The following PMPCB variants were observed in gnomAD, a reference collection of about 807,000 sequenced individuals.
PMPCB encodes the protein mitochondrial-processing peptidase subunit beta.
A neutral mutation model predicts 61.5 loss-of-function variants in PMPCB; 46 were observed. That is an observed-to-expected ratio of 0.75 (90% CI 0.59 to 0.96). The LOEUF is 0.96. Among genes scored for constraint, PMPCB ranks in the 40% least tolerant of loss-of-function variants. The pLI is 0.00. For missense variants in PMPCB, 590 were observed against 602.4 expected (o/e 0.98, Z 0.22); for synonymous variants, 191 against 201.6 (o/e 0.95, Z 0.44).
chr7:103,310,420 A>G lies in PMPCB; in HGVS notation c.1099A>G (p.Met367Val). ...AGATACAGGATTATGGGGACTGTAT[A>G]TGGTTTGTGAATCATCCACTGTTGC... is the stretch of plus-strand genomic sequence containing the variant. Reference protein sequence around the residue: ...YTDTGLWGLYMVCESSTVADM... With the variant: ...YTDTGLWGLYVVCESSTVADM... The change falls in exon 9 of 13, where the codon ATG (methionine) becomes GTG (valine). Residue 367 changes from methionine to valine, a missense_variant. Met to Val is a conservative substitution (Grantham distance 21). Transcript: ENST00000249269. 3 of 1,612,914 alleles carry G rather than the reference A, an allele frequency of 1.9e-6. No homozygotes were observed. Among genetic ancestry groups the G allele is most frequent in the Non-Finnish European group, 8.5e-7 (1 of 1,179,004 alleles).
the PMPCB span, chr7:103,341,799 G>A: frequency 1.3e-6 from 2 of 1,598,574 alleles, no homozygotes; most frequent in Non-Finnish European, 1.7e-6. Context: ...TTCAGCATGG[G>A]AAACTCTTCC....
chr7:103,299,689 A>G (rs748395452), intron 3 of PMPCB, among the ~76,000 whole-genome samples, 160 bp downstream of exon 3: 4 of 152,222 alleles, frequency 2.6e-5, no homozygotes, highest in Admixed American at 6.5e-5. Context: ...TTGCTTTGTA[A>G]AGCTGAAATG....
At position 103,307,606 on chromosome 7, in the gene PMPCB, T is replaced by C. The variant is rs765696589; in HGVS notation, c.747T>C (p.His249=). The change falls in exon 7 of 13, where the codon CAT becomes CAC. Residue 249 remains histidine (H), a synonymous_variant. Transcript: ENST00000249269. ...TTTCTTTCAATTTAGGTGTTTCCCATGATGAATTGCTTGACTTAGCAAAGT... is the reference window on the plus strand; with the variant it reads ...TTTCTTTCAATTTAGGTGTTTCCCACGATGAATTGCTTGACTTAGCAAAGT... ...IVLAAAGGVS[H]DELLDLAKFH... is the part of the protein sequence containing the mutation. The C allele has an allele frequency of 6.2e-7, 1 of 1,602,290 alleles. No individual in the cohort carries two copies. The highest frequency in any genetic ancestry group is 2.2e-5 in the East Asian group (1 of 44,818).
intron 6 of PMPCB, among the ~76,000 whole-genome samples, chr7:103,306,703 A>G (rs1253635584): frequency 6.6e-6 from 1 of 152,010 alleles, no homozygotes; most frequent in African/African-American, 2.4e-5. Context: ...GAGTTCTGAT[A>G]GCAGAGCATG....
intron 12 of PMPCB, chr7:103,324,700 G>GTGA: frequency 1.1e-6 from 1 of 879,334 alleles, no homozygotes; most frequent in East Asian, 3.8e-5. Flanking sequence ...ACAACTCGAA[G>GTGA]ATGGAGCTGG....
chr7:103,328,619 A>G (rs1818833963), intron 12 of PMPCB, among the ~76,000 whole-genome samples: 1 of 151,502 alleles, frequency 6.6e-6, no homozygotes, highest in African/African-American at 2.5e-5. Flanking sequence ...TGACAGAGTG[A>G]GACTCTGTGT....
chr7:103,312,724 C>T lies in PMPCB; in HGVS notation c.*453C>T. On this transcript the variant is annotated 3_prime_UTR_variant, in exon 13 of 13. Coordinates refer to ENST00000249269, the MANE Select transcript of PMPCB (RefSeq NM_004279.3). ...AATCTAGTGTTTGGTGTAAAGAATT[C>T]AAGCAACTAAGATAGATAGTACTAA... 2 of 1,582,020 alleles carry T rather than the reference C, an allele frequency of 1.3e-6. No individual in the cohort carries two copies. Among genetic ancestry groups the T allele is most frequent in the Non-Finnish European group, 1.7e-6 (2 of 1,170,128 alleles).
Position 103,299,562 on chromosome 7 carries a change from C to G in PMPCB, c.327+33C>G, listed in dbSNP as rs184039687. The G allele has an allele frequency of 7.1e-6, 9 of 1,259,842 alleles. No homozygotes were observed. The East Asian group carries it at 1.6e-4, about 23-fold the overall frequency. The allele number at this position is 1,259,842 out of a possible 1,614,324, so 78.0% of individuals were successfully genotyped here. A position where few individuals can be genotyped will look rare whatever the true frequency, so the allele number is the denominator to read the frequency against. On this transcript the variant is annotated intron_variant, in intron 3 of 12. Transcript: ENST00000249269. ...GTAAGACTTTACAAAAATGCACTCT[C>G]TTTAAGAGATAATAAGCACAAAGTC...
At position 103,312,873 on chromosome 7, in the gene PMPCB, G is replaced by T; in HGVS notation, c.*602G>T. The T allele has an allele frequency of 6.4e-7, 1 of 1,551,894 alleles. No homozygotes were observed. On this transcript the variant is annotated 3_prime_UTR_variant, in exon 13 of 13. Coordinates refer to ENST00000249269, the MANE Select transcript of PMPCB (RefSeq NM_004279.3). Reference sequence around the variant, plus strand: ...GCACTATATTATTAACCACTTAATAGACATAAAATATGAGCTATATCACCC... The same window carrying T: ...GCACTATATTATTAACCACTTAATATACATAAAATATGAGCTATATCACCC...
chr7:103,344,808 T>C, the PMPCB span: 1 of 624,818 alleles, frequency 1.6e-6, no homozygotes, highest in East Asian at 2.7e-5. Flanking sequence ...TGGAGGCCAG[T>C]CTCACACCCT....
chr7:103,316,891 C>T (rs1272156028), downstream of PMPCB: 1 of 1,613,850 alleles, frequency 6.2e-7, no homozygotes, highest in Non-Finnish European at 8.5e-7. Context: ...AGATCATCTT[C>T]TGACCAATTT....
At chr7:103,302,281 T>C (rs1817471585) in intron 4 of PMPCB, among the ~76,000 whole-genome samples, 1 of 152,222 alleles carries the variant, frequency 6.6e-6, no homozygotes. Flanking sequence ...GATGATCACT[T>C]ACTCTTATTG....
downstream of PMPCB, chr7:103,316,514 T>A (rs556245759): frequency 5.7e-5 from 15 of 262,926 alleles, no homozygotes; most frequent in Non-Finnish European, 1.1e-4. Flanking sequence ...AGAGCAAGAC[T>A]GTAAAAGAAA....
intron 1 of PMPCB, chr7:103,297,821 A>T (rs1026731886): frequency 6.6e-7 from 1 of 1,517,788 alleles, no homozygotes; most frequent in Non-Finnish European, 8.8e-7. Flanking sequence ...TGCATGTTTG[A>T]CCACTAAAAA....
At chr7:103,323,783 AG>A in intron 12 of PMPCB, 1 of 755,096 alleles carries the variant, frequency 1.3e-6, no homozygotes, top group African/African-American at 1.8e-5. Flanking sequence ...TATTGAACTA[AG>A]GTCAAGTCTT....
At chr7:103,322,541 A>G (rs1818477347) in intron 12 of PMPCB, 2 of 1,545,928 alleles carry the variant, frequency 1.3e-6, no homozygotes, top group African/African-American at 1.4e-5. Flanking sequence ...CCTTCCGTTT[A>G]GCTTCTGCTT....
chr7:103,321,505 G>A (rs954188220), intron 12 of PMPCB, among the ~76,000 whole-genome samples: 8 of 151,762 alleles, frequency 5.3e-5, no homozygotes, highest in Non-Finnish European at 7.4e-5. Context: ...GTGACAGTGC[G>A]AGACTCCATC....
chr7:103,316,085 C>A (rs1171029150), downstream of PMPCB: 8 of 1,560,620 alleles, frequency 5.1e-6, no homozygotes, highest in Non-Finnish European at 6.1e-6. Context: ...CAATAACTTC[C>A]CATCTGATAG....
intron 2 of PMPCB, 118 bp downstream of exon 2, chr7:103,298,826 C>A: frequency 2.1e-6 from 2 of 941,224 alleles, no homozygotes; most frequent in Non-Finnish European, 3.2e-6. Context: ...GTTATTTTGC[C>A]TTGACAGATT....
Sources: gnomAD v4.1 joint callset for allele counts (sites outside exome capture counted in the v4.1 genomes callset) on GRCh38, gnomAD v4.1.1 for gene constraint, MANE v1.5 for transcripts, NCBI Gene and HGNC (gene_info 2026-07-23, HGNC 2026-07-21) for gene names.